Variants in RIMKLA observed in about 807,000 individuals in gnomAD.
The protein encoded by RIMKLA is ribosomal modification protein rimK like family member A.
In RIMKLA, 14 loss-of-function variants were observed where a neutral mutation model predicts 32.7. The ratio of observed to expected loss-of-function variants is 0.43; its 90% CI spans 0.28 to 0.67. RIMKLA has a LOEUF of 0.67. Ranked by LOEUF, RIMKLA falls within the 30% of genes least tolerant of loss-of-function variation. The pLI is 0.18. For missense variants in RIMKLA, 410 were observed against 519.0 expected (o/e 0.79, Z 2.04); for synonymous variants, 176 against 204.1 (o/e 0.86, Z 1.18).
At chr1:42,399,688 T>G in intron 2 of RIMKLA, 54 bp downstream of exon 2, 2 of 1,086,632 alleles carry the variant, frequency 1.8e-6, no homozygotes, top group Non-Finnish European at 2.7e-6. Flanking sequence ...TTTTCTTTCC[T>G]TAGAAACCTT....
intron 1 of RIMKLA, among the ~76,000 whole-genome samples, chr1:42,382,174 A>T (rs1291211090): frequency 6.6e-6 from 1 of 152,212 alleles, no homozygotes; most frequent in African/African-American, 2.4e-5. Context: ...AAGTTTATCG[A>T]AGTCCCTCAT....
chr1:42,389,602 A>C (rs927011100), intron 1 of RIMKLA, among the ~76,000 whole-genome samples: 1 of 152,156 alleles, frequency 6.6e-6, no homozygotes, highest in Non-Finnish European at 1.5e-5. Flanking sequence ...ACTTGAGGTC[A>C]GGAGTTCGAG....
Position 42,414,901 on chromosome 1 carries a change from C to T in RIMKLA, c.1103C>T (p.Ala368Val), listed in dbSNP as rs878921873. ...IRDSSASTMGAPPSMLPEPGY... is the reference protein window; with the variant it reads ...IRDSSASTMGVPPSMLPEPGY... ...GATTCCTCAGCAAGCACAATGGGGG[C>T]CCCACCCTCCATGCTGCCCGAACCT... Residue 368 changes from alanine to valine, a missense_variant, in exon 5 of 5, where the codon GCC becomes GTC. Physicochemically the swap from Ala to Val is moderately conservative, Grantham distance 64. Coordinates refer to ENST00000431473, the MANE Select transcript of RIMKLA (RefSeq NM_173642.4). 1.2e-6 allele frequency: 2 copies of T among 1,614,070 alleles called. No homozygotes were observed. The highest frequency in any genetic ancestry group is 2.2e-5 in the East Asian group (1 of 44,870).
intron 4 of RIMKLA, chr1:42,412,677 A>G (rs962838627): frequency 3.1e-5 from 15 of 480,218 alleles, no homozygotes; most frequent in Non-Finnish European, 5.7e-5. Flanking sequence ...ATGCTTTGTC[A>G]TCAGTTAGAA....
At position 42,385,844 on chromosome 1, in the gene RIMKLA, C is replaced by CTCTCTCTTTCTT. The variant is rs1184237388; in HGVS notation, c.163+4750_163+4751insCTCTTTCTTTCT. On this transcript the variant is annotated intron_variant, in intron 1 of 4. Transcript: ENST00000431473. ...CCTTCCTTCCTTTCTTTCTTTCTTT[C>CTCTCTCTTTCTT]TCTTTCTTTCTTTCTTTCTTTCTTT... 3.5e-4 allele frequency among the ~76,000 whole-genome samples: 20 copies of CTCTCTCTTTCTT among 57,080 alleles called. 4 individuals carry two copies. The highest frequency in any genetic ancestry group is 1.3e-3 in the African/African-American group (20 of 15,142). 37.4% of individuals were successfully genotyped at this position (57,080 alleles called of 152,430 possible).
intron 1 of RIMKLA, among the ~76,000 whole-genome samples, chr1:42,397,853 T>C (rs1191505347): frequency 6.6e-6 from 1 of 152,218 alleles, no homozygotes; most frequent in Non-Finnish European, 1.5e-5. Context: ...ATATCCTGTC[T>C]GCATCATTCC....
At chr1:42,394,571 C>T (rs1233192131) in intron 1 of RIMKLA, among the ~76,000 whole-genome samples, 1 of 152,108 alleles carries the variant, frequency 6.6e-6, no homozygotes, top group African/African-American at 2.4e-5. Flanking sequence ...ACTACAAGAC[C>T]TTTTATTATC....
At position 42,399,565 on chromosome 1, in the gene RIMKLA, A is replaced by G. The variant is rs1170062299; in HGVS notation, c.325A>G (p.Ile109Val). Residue 109 changes from isoleucine (I) to valine (V), a missense_variant, in exon 2 of 5, where the codon ATC (isoleucine) becomes GTC (valine). Physicochemically the swap from Ile to Val is conservative, Grantham distance 29 (BLOSUM62 3). Coordinates refer to ENST00000431473, the MANE Select transcript of RIMKLA (RefSeq NM_173642.4). Reference protein sequence around the residue: ...VNRPQSILNCINKFWTFQELA... With the variant: ...VNRPQSILNCVNKFWTFQELA... Reference sequence around the variant, plus strand: ...TCGCCCACAGAGCATCTTAAATTGCATCAACAAATTCTGGACGTTCCAAGA... The same window carrying G: ...TCGCCCACAGAGCATCTTAAATTGCGTCAACAAATTCTGGACGTTCCAAGA... 4 of 1,613,512 alleles carry G rather than the reference A, an allele frequency of 2.5e-6. No individual in the cohort carries two copies. The highest frequency in any genetic ancestry group is 1.7e-5 in the Admixed American group (1 of 59,968).
intron 2 of RIMKLA, 39 bp downstream of exon 2, chr1:42,399,673 C>T: frequency 7.9e-7 from 1 of 1,260,268 alleles, no homozygotes; most frequent in Non-Finnish European, 1.1e-6. Flanking sequence ...TCATGTGCAT[C>T]TCTGTTTTCT....
At chr1:42,400,246 T>C (rs1484981352) in intron 2 of RIMKLA, among the ~76,000 whole-genome samples, 1 of 151,918 alleles carries the variant, frequency 6.6e-6, no homozygotes, top group African/African-American at 2.4e-5. Flanking sequence ...GCTGGGAAAA[T>C]AAGAGGGCAC....
chr1:42,420,835 CACTTT>C lies in RIMKLA; in HGVS notation c.*5866_*5870del, dbSNP rs906463302. On this transcript the variant is annotated 3_prime_UTR_variant, in exon 5 of 5. Coordinates refer to ENST00000431473, the MANE Select transcript of RIMKLA (RefSeq NM_173642.4). ...ACTTAAAGCTTGTGTGACCCAGGGACACTTTACTTCAACTTGTTAAACCTTAATTT... is the reference window on the plus strand; with the variant it reads ...ACTTAAAGCTTGTGTGACCCAGGGACACTTCAACTTGTTAAACCTTAATTT... 2.8e-4 allele frequency: 42 copies of C among 152,378 alleles called. No individual in the cohort carries two copies. The highest frequency in any genetic ancestry group is 9.1e-4 in the African/African-American group (38 of 41,578). The allele number at this position is 152,378 out of a possible 1,614,324, so 9.4% of individuals were successfully genotyped here.
At position 42,417,447 on chromosome 1, in the gene RIMKLA, G is replaced by A. The variant is rs1215878572; in HGVS notation, c.*2473G>A. ...GGCCACAGGCCTGCTGAAGGAACAT[G>A]GGGTGTAGAGCCAGAGCCTGGTTCT... On this transcript the variant is annotated 3_prime_UTR_variant, in exon 5 of 5. Coordinates refer to ENST00000431473, the MANE Select transcript of RIMKLA (RefSeq NM_173642.4). 1 of 152,244 alleles carries A rather than the reference G, an allele frequency of 6.6e-6. No individual in the cohort carries two copies. The highest frequency in any genetic ancestry group is 2.4e-5 in the African/African-American group (1 of 41,460). 9.4% of individuals were successfully genotyped at this position (152,244 alleles called of 1,614,324 possible).
At chr1:42,381,193 C>A in intron 1 of RIMKLA, 96 bp downstream of exon 1, 1 of 962,822 alleles carries the variant, frequency 1.0e-6, no homozygotes, top group Non-Finnish European at 1.4e-6. Context: ...GCAGCAGAGT[C>A]TCCTTCGGGC....
intron 2 of RIMKLA, among the ~76,000 whole-genome samples, chr1:42,401,554 T>G (rs1266239548): frequency 6.6e-6 from 1 of 151,978 alleles, no homozygotes; most frequent in Non-Finnish European, 1.5e-5. Context: ...AGATGGGTGG[T>G]ATAATCAAAA....
At chr1:42,409,501 G>T (rs1643179433) in intron 3 of RIMKLA, among the ~76,000 whole-genome samples, 1 of 152,130 alleles carries the variant, frequency 6.6e-6, no homozygotes, top group Non-Finnish European at 1.5e-5. Context: ...TCTCCATCTA[G>T]ACTTGGAATT....
intron 1 of RIMKLA, among the ~76,000 whole-genome samples, chr1:42,382,145 T>C (rs1364486704): frequency 6.6e-6 from 1 of 152,232 alleles, no homozygotes; most frequent in Admixed American, 6.5e-5. Context: ...AATATATCTG[T>C]TATAGATTTT....
chr1:42,383,838 T>C (rs1034930531), intron 1 of RIMKLA, among the ~76,000 whole-genome samples: 3 of 152,234 alleles, frequency 2.0e-5, no homozygotes, highest in Admixed American at 6.5e-5. Flanking sequence ...CCCAGTGATA[T>C]GGAATAAGCT....
Position 42,421,094 on chromosome 1 carries a change from TG to T in RIMKLA, c.*6122del, listed in dbSNP as rs2148400068. ...GGCTGGCGGTAGCTCAAGCATGCTG[TG>T]GTTCAGGCTAATGACTGGAAGGTCC... On this transcript the variant is annotated 3_prime_UTR_variant, in exon 5 of 5. Transcript: ENST00000431473. This position sits in a 1 kb window ranked among gnomAD's most constrained non-coding sequence, Gnocchi z 4.6. The T allele has an allele frequency of 6.6e-6, 1 of 152,370 alleles. No homozygotes were observed. The highest frequency in any genetic ancestry group is 1.5e-5 in the Non-Finnish European group (1 of 68,062). 9.4% of individuals were successfully genotyped at this position (152,370 alleles called of 1,614,324 possible). A position where few individuals can be genotyped will look rare whatever the true frequency, so the allele number is the denominator to read the frequency against.
intron 3 of RIMKLA, among the ~76,000 whole-genome samples, chr1:42,405,829 C>G (rs11210636): frequency 0.58 from 88,617 of 152,034 alleles, 26,242 homozygotes; most frequent in Middle Eastern, 0.63. Flanking sequence ...GGAAGAAAAG[C>G]AGACTTCAGT....
Sources: gnomAD v4.1 joint callset for allele counts (sites outside exome capture counted in the v4.1 genomes callset) on GRCh38, gnomAD v4.1.1 for gene constraint, Gnocchi (gnomAD v3.1) non-coding constraint, MANE v1.5 for transcripts, NCBI Gene and HGNC (gene_info 2026-07-23, HGNC 2026-07-21) for gene names.